Variants in PDE4B observed in about 807,000 individuals in gnomAD.
PDE4B encodes 3',5'-cyclic-AMP phosphodiesterase 4B.
Under a neutral mutation model 82.2 loss-of-function variants are expected in PDE4B, and 20 were observed. The observed-to-expected ratio is 0.24, with a 90% CI of 0.17 to 0.35. The LOEUF (loss-of-function observed/expected upper bound fraction) is 0.35. Ranked by LOEUF, PDE4B falls within the 10% of genes least tolerant of loss-of-function variation. PDE4B has a pLI of 1.00. For synonymous variants in PDE4B, 320 were observed against 318.9 expected (o/e 1.00, Z -0.04); for missense variants, 655 against 907.2 (o/e 0.72, Z 3.57).
intron 1 of PDE4B, among the ~76,000 whole-genome samples, chr1:65,810,960 A>C (rs1294491143): frequency 6.6e-6 from 1 of 152,134 alleles, no homozygotes; most frequent in African/African-American, 2.4e-5. Context: ...GGGCCAGATG[A>C]TTCCCTGTTT....
intron 3 of PDE4B, among the ~76,000 whole-genome samples, chr1:66,153,851 G>GGA (rs1646450513): frequency 1.3e-5 from 2 of 152,096 alleles, no homozygotes; most frequent in Non-Finnish European, 2.9e-5. Context: ...GACTTATAGA[G>GGA]GAGTAGTGTG....
At chr1:65,928,236 C>T (rs1487007534) in intron 3 of PDE4B, among the ~76,000 whole-genome samples, 1 of 152,176 alleles carries the variant, frequency 6.6e-6, no homozygotes, top group Admixed American at 6.5e-5. Context: ...TGTAAACTGG[C>T]TCAAGTCTGG....
At chr1:65,821,184 C>T (rs893993973) in intron 1 of PDE4B, among the ~76,000 whole-genome samples, 15 of 152,214 alleles carry the variant, frequency 9.9e-5, no homozygotes, top group Non-Finnish European at 1.5e-4. Context: ...TGGAATGCAG[C>T]TTATTCTGCC....
chr1:66,248,809 G>A (rs1377735951), intron 4 of PDE4B, among the ~76,000 whole-genome samples: 1 of 152,178 alleles, frequency 6.6e-6, no homozygotes, highest in East Asian at 1.9e-4. Flanking sequence ...ACATAACAGA[G>A]TGAAAGGAAA....
intron 1 of PDE4B, among the ~76,000 whole-genome samples, chr1:65,907,354 G>A (rs1647038434): frequency 1.3e-5 from 2 of 151,430 alleles, no homozygotes; most frequent in South Asian, 4.3e-4. Context: ...TTTATAGTTT[G>A]TGTTTATTTC....
intron 3 of PDE4B, among the ~76,000 whole-genome samples, chr1:66,143,594 C>T (rs1646215287): frequency 6.6e-6 from 1 of 152,148 alleles, no homozygotes; most frequent in Non-Finnish European, 1.5e-5. Flanking sequence ...GGCATACCTC[C>T]TTATGAACAG....
intron 8 of PDE4B, among the ~76,000 whole-genome samples, chr1:66,347,814 A>G (rs1280012740): frequency 6.6e-6 from 1 of 152,238 alleles, no homozygotes; most frequent in Non-Finnish European, 1.5e-5. Context: ...TGTAGCTGCA[A>G]AAAATATTAG....
At chr1:66,364,840 A>G (rs943926027) in intron 12 of PDE4B, among the ~76,000 whole-genome samples, 2 of 152,134 alleles carry the variant, frequency 1.3e-5, no homozygotes, top group African/African-American at 4.8e-5. Flanking sequence ...AACTTTTTAG[A>G]AAAGGGAGAG....
At chr1:65,849,598 G>A (rs1646307070) in intron 1 of PDE4B, among the ~76,000 whole-genome samples, 1 of 152,092 alleles carries the variant, frequency 6.6e-6, no homozygotes, top group African/African-American at 2.4e-5. Context: ...GGGCCCGGGA[G>A]GAAGCTTCCC....
chr1:65,971,324 A>G (rs148305810), intron 3 of PDE4B, among the ~76,000 whole-genome samples: 284 of 152,216 alleles, frequency 1.9e-3, no homozygotes, highest in Middle Eastern at 0.014. Context: ...TGCTTTTTCT[A>G]TATAAAACAT....
At chr1:66,286,279 G>T (rs17128738) in intron 7 of PDE4B, among the ~76,000 whole-genome samples, 1 of 152,022 alleles carries the variant, frequency 6.6e-6, no homozygotes, top group Admixed American at 6.6e-5. Context: ...ACATTTTCTC[G>T]TCATGAGCCC....
chr1:66,168,688 G>A (rs996756900), intron 3 of PDE4B, among the ~76,000 whole-genome samples: 17 of 152,188 alleles, frequency 1.1e-4, no homozygotes, highest in Admixed American at 3.3e-4. Context: ...ATGTTCAGCT[G>A]GTTAACGATG....
intron 1 of PDE4B, among the ~76,000 whole-genome samples, chr1:65,866,064 A>G: frequency 6.6e-6 from 1 of 152,272 alleles, no homozygotes; most frequent in South Asian, 2.1e-4. Context: ...CAGCTTTATC[A>G]GTATGAAAGA....
At chr1:65,977,012 G>A (rs866642759) in intron 3 of PDE4B, among the ~76,000 whole-genome samples, 6 of 152,274 alleles carry the variant, frequency 3.9e-5, no homozygotes, top group Middle Eastern at 6.8e-3. Context: ...GCATTTTTGA[G>A]TTTGAGAAAG....
intron 10 of PDE4B, 34 bp downstream of exon 10, chr1:66,361,827 C>T (rs1166726673): frequency 1.9e-6 from 3 of 1,548,806 alleles, no homozygotes; most frequent in Non-Finnish European, 2.6e-6. Context: ...GCATGTAGCT[C>T]TCTGCTTTAC....
chr1:66,243,270 G>C (rs1473757479), intron 3 of PDE4B, among the ~76,000 whole-genome samples: 2 of 152,184 alleles, frequency 1.3e-5, no homozygotes, highest in Non-Finnish European at 2.9e-5. Flanking sequence ...TGGGTATAGG[G>C]AAGCAGAAAG....
Position 66,374,571 on chromosome 1 carries a change from A to G in PDE4B, c.*1893A>G, listed in dbSNP as rs2050902122. The G allele has an allele frequency of 6.6e-6, 1 of 152,656 alleles. No homozygotes were observed. 9.5% of individuals were successfully genotyped at this position (152,656 alleles called of 1,614,324 possible). On this transcript the variant is annotated 3_prime_UTR_variant, in exon 17 of 17. Transcript: ENST00000341517. ...TATGAGGTGAATAAAGAAAAGCATG[A>G]TTAGATTAGTCTGTAGGCCCACTTA...
At chr1:66,277,732 C>T (rs1295565913) in intron 7 of PDE4B, among the ~76,000 whole-genome samples, 4 of 152,168 alleles carry the variant, frequency 2.6e-5, no homozygotes, top group Admixed American at 2.0e-4. Context: ...CTTTGAGCCC[C>T]AAGTCTGGGT....
intron 7 of PDE4B, among the ~76,000 whole-genome samples, chr1:66,312,637 CAT>C (rs1658750874): frequency 6.6e-6 from 1 of 152,216 alleles, no homozygotes; most frequent in African/African-American, 2.4e-5. Context: ...TAGAACAGCA[CAT>C]GTTTACAGGT....
Sources: gnomAD v4.1 joint callset for allele counts (sites outside exome capture counted in the v4.1 genomes callset) on GRCh38, gnomAD v4.1.1 for gene constraint, MANE v1.5 for transcripts, NCBI Gene and HGNC (gene_info 2026-07-23, HGNC 2026-07-21) for gene names.